CACNB2: variants seen among roughly 807,000 people sequenced by gnomAD.
CACNB2 encodes the protein calcium voltage-gated channel auxiliary subunit beta 2.
Under a neutral mutation model 73.3 loss-of-function variants are expected in CACNB2, and 42 were observed. The observed-to-expected ratio is 0.57, with a 90% CI of 0.45 to 0.74. CACNB2 has a LOEUF of 0.74. Ranked by LOEUF, CACNB2 falls within the 30% of genes least tolerant of loss-of-function variation. The pLI, the probability that CACNB2 is intolerant of heterozygous loss-of-function variation, is 0.00. For synonymous variants in CACNB2, 348 were observed against 310.3 expected (o/e 1.12, Z -1.28); for missense variants, 940 against 853.0 (o/e 1.10, Z -1.27).
intron 2 of CACNB2, among the ~76,000 whole-genome samples, chr10:18,394,302 T>C (rs987939414): frequency 9.2e-5 from 14 of 152,158 alleles, no homozygotes; most frequent in African/African-American, 3.4e-4. Flanking sequence ...CAAGCGAGCG[T>C]GCCTAAAGCT....
chr10:18,416,298 C>G (rs2044956453), intron 3 of CACNB2, among the ~76,000 whole-genome samples: 1 of 152,298 alleles, frequency 6.6e-6, no homozygotes, highest in South Asian at 2.1e-4. Context: ...CCTTCTTTTT[C>G]AAGGCTGAGT....
intron 3 of CACNB2, among the ~76,000 whole-genome samples, chr10:18,433,361 C>T (rs2045981443): frequency 6.6e-6 from 1 of 152,182 alleles, no homozygotes; most frequent in Admixed American, 6.5e-5. Flanking sequence ...GGCTACTTTA[C>T]AGCATTTCTC....
chr10:18,154,491 G>A (rs2031874794), intron 2 of CACNB2, among the ~76,000 whole-genome samples: 1 of 151,622 alleles, frequency 6.6e-6, no homozygotes, highest in Non-Finnish European at 1.5e-5. Flanking sequence ...GTTTTGAGGT[G>A]GAGTCTCACT....
At chr10:18,160,848 T>C (rs2032405205) in intron 2 of CACNB2, among the ~76,000 whole-genome samples, 1 of 152,222 alleles carries the variant, frequency 6.6e-6, no homozygotes, top group Non-Finnish European at 1.5e-5. Context: ...TATCACATGC[T>C]GGAGAAGTCA....
At position 18,539,430 on chromosome 10, in the gene CACNB2, A is replaced by C; in HGVS notation, c.1689A>C (p.Arg563=). 6.2e-7 allele frequency: 1 copy of C among 1,614,048 alleles called. No homozygotes were observed. The highest frequency in any genetic ancestry group is 8.5e-7 in the Non-Finnish European group (1 of 1,179,972). Residue 563 remains arginine (R), a synonymous_variant, in exon 14 of 14, where the codon CGA becomes CGC. Coordinates refer to ENST00000324631, the MANE Select transcript of CACNB2 (RefSeq NM_201596.3). ...TTGACTCGGAAACCCAGGAGAGTCG[A>C]GACTCTGCCTACGTAGAGCCAAAGG... ...ETFDSETQES[R]DSAYVEPKED... is the part of the protein sequence containing the mutation.
In CACNB2 at chr10:18,171,543, A is replaced by AAAAAAAAAAAAAAAAAAAG. The variant is rs1564314409; in HGVS notation, c.213+20574_213+20575insAAAAAAAAAAAAGAAAAAA. 9.8e-4 allele frequency among the ~76,000 whole-genome samples: 136 copies of AAAAAAAAAAAAAAAAAAAG among 138,880 alleles called. 7 individuals are homozygous for AAAAAAAAAAAAAAAAAAAG. The highest frequency in any genetic ancestry group is 4.2e-3 in the African/African-American group (131 of 30,884). The allele number at this position is 138,880 out of a possible 152,430, so 91.1% of individuals were successfully genotyped here. On this transcript the variant is annotated intron_variant, in intron 2 of 13. Transcript: ENST00000324631. ...GCAGAAAAAAAAAAAAAAAAAAAAA[A>AAAAAAAAAAAAAAAAAAAG]AAAAAAGGCTATTTGTTCTTCTTCA...
intron 2 of CACNB2, among the ~76,000 whole-genome samples, chr10:18,175,595 A>T (rs1333982481): frequency 2.0e-5 from 3 of 151,844 alleles, no homozygotes; most frequent in Non-Finnish European, 4.4e-5. Context: ...TTCTTGATGA[A>T]TTTTTTTTAA....
At chr10:18,402,577 A>G (rs2044063298) in intron 3 of CACNB2, among the ~76,000 whole-genome samples, 1 of 152,210 alleles carries the variant, frequency 6.6e-6, no homozygotes, top group Non-Finnish European at 1.5e-5. Context: ...TTCTCTTAGA[A>G]CATGTTCTTC....
intron 2 of CACNB2, among the ~76,000 whole-genome samples, chr10:18,373,845 G>A (rs943144894): frequency 6.6e-6 from 1 of 152,160 alleles, no homozygotes; most frequent in South Asian, 2.1e-4. Context: ...GCTTGTACCG[G>A]TTCTCTCTCC....
rs1060503435 is a variant in CACNB2, at chr10:18,498,424, G to T, written c.403G>T (p.Val135Leu). 1.9e-6 allele frequency: 3 copies of T among 1,613,982 alleles called. No homozygotes were observed. The highest frequency in any genetic ancestry group is 2.5e-6 in the Non-Finnish European group (3 of 1,179,986). The stretch of plus-strand genomic sequence containing the variant: ...TGCGGCCCATGAAGATGATGTTCCA[G>T]TGCCTGGCATGGCCATCTCATTCGA... ...YSAAHEDDVP[V>L]PGMAISFEAK... The change falls in exon 4 of 14, where the codon GTG (valine) becomes TTG (leucine). Residue 135 changes from valine (V) to leucine (L), a missense_variant. By Grantham distance (32) the Val-to-Leu change is conservative. Coordinates refer to ENST00000324631, the MANE Select transcript of CACNB2 (RefSeq NM_201596.3).
intron 2 of CACNB2, among the ~76,000 whole-genome samples, chr10:18,276,164 G>A (rs550287125): frequency 6.6e-6 from 1 of 152,252 alleles, no homozygotes; most frequent in African/African-American, 2.4e-5. Flanking sequence ...ACAGACTTTG[G>A]GCAAAAGTGG....
intron 2 of CACNB2, among the ~76,000 whole-genome samples, chr10:18,269,263 A>G (rs1399139049): frequency 6.6e-6 from 1 of 152,200 alleles, no homozygotes; most frequent in Non-Finnish European, 1.5e-5. Flanking sequence ...ATCCGTCACT[A>G]AAGATACACA....
chr10:18,355,693 G>C (rs2041879460), intron 2 of CACNB2, among the ~76,000 whole-genome samples: 1 of 149,964 alleles, frequency 6.7e-6, no homozygotes, highest in African/African-American at 2.5e-5. Flanking sequence ...GTGGAGTACA[G>C]TGGCGCGATC....
chr10:18,412,439 C>CT (rs2044687963), intron 3 of CACNB2, among the ~76,000 whole-genome samples: 1 of 152,110 alleles, frequency 6.6e-6, no homozygotes, highest in African/African-American at 2.4e-5. Context: ...TACTGCCAAC[C>CT]TTATCACCCC....
intron 6 of CACNB2, among the ~76,000 whole-genome samples, chr10:18,510,008 A>C (rs1183493674): frequency 3.3e-5 from 5 of 152,268 alleles, no homozygotes; most frequent in Non-Finnish European, 7.3e-5. Flanking sequence ...TGAGTCTAAT[A>C]AAATACATGT....
intron 12 of CACNB2, 143 bp downstream of exon 12, chr10:18,536,339 G>GC (rs1404979729): frequency 8.6e-6 from 5 of 580,378 alleles, no homozygotes; most frequent in Non-Finnish European, 1.5e-5. Flanking sequence ...GCTCACTGCA[G>GC]CCCTGAACTC....
chr10:18,507,278 G>A (rs984597041), intron 6 of CACNB2, among the ~76,000 whole-genome samples: 1 of 152,120 alleles, frequency 6.6e-6, no homozygotes. Flanking sequence ...GGCCTGTTGT[G>A]GGCTCTACCA....
chr10:18,499,572 G>C (rs192941794), intron 4 of CACNB2, among the ~76,000 whole-genome samples: 1 of 118,614 alleles, frequency 8.4e-6, no homozygotes, highest in East Asian at 2.9e-4. Flanking sequence ...CCGAGATTGC[G>C]CCACTGCACC....
chr10:18,522,714 C>A (rs528580740), intron 9 of CACNB2, among the ~76,000 whole-genome samples: 5 of 151,896 alleles, frequency 3.3e-5, no homozygotes, highest in African/African-American at 1.2e-4. Flanking sequence ...CTCGTCTCTA[C>A]TAAAGATAAG....
Sources: allele counts gnomAD v4.1 joint callset (sites outside exome capture counted in the v4.1 genomes callset), GRCh38; gene constraint gnomAD v4.1.1; transcripts MANE v1.5; gene names NCBI Gene and HGNC (gene_info 2026-07-23, HGNC 2026-07-21).